Variants in PTPRO observed in about 807,000 individuals in gnomAD.
PTPRO encodes the protein protein tyrosine phosphatase receptor type O.
Under a neutral mutation model 145.2 loss-of-function variants are expected in PTPRO, and 62 were observed. That is an observed-to-expected ratio of 0.43 (90% CI 0.35 to 0.53). The LOEUF is 0.53. Ranked by LOEUF, PTPRO falls within the 20% of genes least tolerant of loss-of-function variation. PTPRO has a pLI of 0.01. For missense variants in PTPRO, 1,345 were observed against 1,482.7 expected (o/e 0.91, Z 1.53); for synonymous variants, 565 against 514.7 (o/e 1.10, Z -1.32).
At chr12:15,371,258 A>C (rs1220967495) in intron 1 of PTPRO, among the ~76,000 whole-genome samples, 24 of 149,732 alleles carry the variant, frequency 1.6e-4, no homozygotes, top group Admixed American at 1.6e-3. Context: ...TTTTAGACCG[A>C]GTCTCGCTCT....
At chr12:15,572,747 GTTTCTTTATGTATAA>G (rs1273345592) in intron 19 of PTPRO, among the ~76,000 whole-genome samples, 1 of 151,874 alleles carries the variant, frequency 6.6e-6, no homozygotes, top group Non-Finnish European at 1.5e-5. Context: ...CATCACCTTA[GTTTCTTTATGTATAA>G]AATGGGTGAG....
chr12:15,334,087 T>C (rs115238537), intron 1 of PTPRO, among the ~76,000 whole-genome samples: 1,971 of 152,310 alleles, frequency 0.013, 42 homozygotes, highest in African/African-American at 0.045. Flanking sequence ...TATAACCAGA[T>C]TGTCTCTAGA....
At chr12:15,424,859 G>T (rs1166476022) in intron 1 of PTPRO, among the ~76,000 whole-genome samples, 1 of 152,084 alleles carries the variant, frequency 6.6e-6, no homozygotes, top group African/African-American at 2.4e-5. Flanking sequence ...AAGTTAGTTG[G>T]ACCCAACTGT....
intron 1 of PTPRO, among the ~76,000 whole-genome samples, chr12:15,368,957 G>C (rs1938444838): frequency 6.6e-6 from 1 of 152,138 alleles, no homozygotes; most frequent in African/African-American, 2.4e-5. Context: ...TCCCGTGGGG[G>C]CTGTGAAATC....
intron 1 of PTPRO, among the ~76,000 whole-genome samples, chr12:15,427,599 G>T (rs1441489616): frequency 6.6e-6 from 1 of 151,256 alleles, no homozygotes; most frequent in Non-Finnish European, 1.5e-5. Context: ...TCTCATTATG[G>T]ATATGTACTT....
chr12:15,379,673 G>A (rs1938799098), intron 1 of PTPRO, among the ~76,000 whole-genome samples: 1 of 152,072 alleles, frequency 6.6e-6, no homozygotes, highest in South Asian at 2.1e-4. Flanking sequence ...TGTCAAGGAT[G>A]CCAATCACAA....
At chr12:15,439,739 A>G (rs1940704788) in intron 1 of PTPRO, 2 of 552,204 alleles carry the variant, frequency 3.6e-6, no homozygotes, top group Middle Eastern at 5.1e-4. Flanking sequence ...AGTCAAGGAC[A>G]TGAAGATCAA....
intron 1 of PTPRO, among the ~76,000 whole-genome samples, chr12:15,480,080 A>AT (rs1187825779): frequency 2.0e-5 from 3 of 152,120 alleles, no homozygotes; most frequent in East Asian, 3.9e-4. Flanking sequence ...GATTCTCTTG[A>AT]TTTTTTTTAA....
intron 19 of PTPRO, among the ~76,000 whole-genome samples, chr12:15,571,266 C>T (rs1381882075): frequency 2.6e-5 from 4 of 151,710 alleles, no homozygotes; most frequent in Non-Finnish European, 4.4e-5. Flanking sequence ...CAACAAACAA[C>T]CTCTTTTTCT....
At chr12:15,536,092 T>C (rs1281187254) in intron 12 of PTPRO, among the ~76,000 whole-genome samples, 2 of 152,204 alleles carry the variant, frequency 1.3e-5, no homozygotes, top group Non-Finnish European at 2.9e-5. Context: ...AATATTTACT[T>C]AGCATTTACT....
chr12:15,473,783 A>C (rs1488558008), intron 1 of PTPRO, among the ~76,000 whole-genome samples: 10 of 151,892 alleles, frequency 6.6e-5, no homozygotes. Context: ...AAAAAAAAAA[A>C]AAAAAAAGCA....
In PTPRO at chr12:15,516,808, C is replaced by T. The variant is rs137966245; in HGVS notation, c.1631C>T (p.Thr544Met). 4.9e-4 allele frequency: 782 copies of T among 1,612,074 alleles called. 3 individuals are homozygous for T. Among genetic ancestry groups the T allele is most frequent in the South Asian group, 6.2e-4 (56 of 91,056 alleles). ...TTAATGCTCTATCCTTTGGGTCCTA[C>T]GGCCGTGGTTCTGAGCTGGACCAGA... The part of the protein sequence containing the change: ...KDLMLYPLGP[T>M]AVVLSWTRPY... Residue 544 changes from threonine (T) to methionine (M), a missense_variant, in exon 9 of 27, where the codon ACG becomes ATG. Thr to Met is a moderately conservative substitution (Grantham distance 81, BLOSUM62 -1). Around this residue, in one of 3 missense-constraint regions of PTPRO, gnomAD observed 1,130 missense variants for 1,214.7 expected, o/e 0.93. Coordinates refer to ENST00000281171, the MANE Select transcript of PTPRO (RefSeq NM_030667.3).
chr12:15,490,556 G>A (rs988053464), intron 2 of PTPRO, among the ~76,000 whole-genome samples: 1 of 152,146 alleles, frequency 6.6e-6, no homozygotes, highest in African/African-American at 2.4e-5. Context: ...TAGCTCAAAA[G>A]TCAAACAAAA....
At chr12:15,424,639 A>T (rs995417645) in intron 1 of PTPRO, among the ~76,000 whole-genome samples, 1 of 151,994 alleles carries the variant, frequency 6.6e-6, no homozygotes, top group Non-Finnish European at 1.5e-5. Flanking sequence ...TGCATGAAAG[A>T]GGGTCACCTT....
chr12:15,435,837 A>G (rs1202877645), intron 1 of PTPRO, among the ~76,000 whole-genome samples: 1 of 152,218 alleles, frequency 6.6e-6, no homozygotes, highest in Admixed American at 6.5e-5. Flanking sequence ...GCACCATTGA[A>G]AACATTTCTT....
intron 1 of PTPRO, among the ~76,000 whole-genome samples, chr12:15,430,046 T>C (rs1181256194): frequency 6.6e-6 from 1 of 151,186 alleles, no homozygotes; most frequent in Non-Finnish European, 1.5e-5. Flanking sequence ...GAGCCTTGAG[T>C]TTGCGGTGCC....
intron 1 of PTPRO, among the ~76,000 whole-genome samples, chr12:15,450,241 A>G (rs1418590464): frequency 6.6e-6 from 1 of 152,212 alleles, no homozygotes; most frequent in Non-Finnish European, 1.5e-5. Context: ...CCTGCCAATG[A>G]AAAGGTTTTG....
chr12:15,567,024 C>T (rs901178149), intron 18 of PTPRO, among the ~76,000 whole-genome samples: 1 of 152,116 alleles, frequency 6.6e-6, no homozygotes, highest in African/African-American at 2.4e-5. Context: ...TAGAAGATAG[C>T]GTCCTTGGAC....
chr12:15,481,309 A>C (rs1004860108), intron 1 of PTPRO, among the ~76,000 whole-genome samples: 2 of 152,174 alleles, frequency 1.3e-5, no homozygotes, highest in Non-Finnish European at 2.9e-5. Flanking sequence ...GCCTTGATAC[A>C]TTCTCCTAGA....
Sources: allele counts gnomAD v4.1 joint callset (sites outside exome capture counted in the v4.1 genomes callset), GRCh38; gene constraint gnomAD v4.1.1; regional missense constraint gnomAD v4.1.1; transcripts MANE v1.5; gene names NCBI Gene and HGNC (gene_info 2026-07-23, HGNC 2026-07-21).